The following CTTN variants were observed in gnomAD, a reference collection of about 807,000 sequenced individuals.
CTTN encodes the protein cortactin, also known as src substrate cortactin.
A neutral mutation model predicts 84.0 loss-of-function variants in CTTN; 28 were observed. The observed-to-expected ratio is 0.33, with a 90% CI of 0.25 to 0.46. The LOEUF is 0.46. Ranked by LOEUF, CTTN falls within the 20% of genes least tolerant of loss-of-function variation. CTTN has a pLI of 1.00. For missense variants in CTTN, 641 were observed against 723.8 expected (o/e 0.89, Z 1.31); for synonymous variants, 301 against 288.8 (o/e 1.04, Z -0.43).
intron 6 of CTTN, among the ~76,000 whole-genome samples, chr11:70,415,000 G>T (rs1038823434): frequency 6.6e-6 from 1 of 152,170 alleles, no homozygotes; most frequent in Non-Finnish European, 1.5e-5. Context: ...ATACCGGGGG[G>T]GCAGGATGCG....
chr11:70,415,798 G>GGAGCGCGGGGAAA, intron 7 of CTTN, 81 bp downstream of exon 7: 2 of 1,382,256 alleles, frequency 1.4e-6, no homozygotes, highest in Non-Finnish European at 2.1e-6. Context: ...CCGTTTCCCC[G>GGAGCGCGGGGAAA]CGCTCCGGGG....
At position 70,426,749 on chromosome 11, in the gene CTTN, C is replaced by T. The variant is rs1168421849; in HGVS notation, c.1027+1348C>T. On this transcript the variant is annotated intron_variant, in intron 13 of 17. Coordinates refer to ENST00000301843, the MANE Select transcript of CTTN (RefSeq NM_005231.4). ...GACTACAGGCGCCTGCCACCACGCC[C>T]GGCTAATTTTTTTGTTGTTGTTGCT... Among the ~76,000 whole-genome samples the T allele has an allele frequency of 8.6e-5, 13 of 151,872 alleles. No homozygotes were observed. The East Asian group carries it at 1.2e-3, about 14-fold the overall frequency.
rs778741518 is a variant in CTTN, at chr11:70,429,141, G to T, written c.1118G>T (p.Arg373Ile). 3.9e-5 allele frequency: 63 copies of T among 1,613,934 alleles called. No individual in the cohort carries two copies. Among genetic ancestry groups the T allele is most frequent in the Non-Finnish European group, 5.0e-5 (59 of 1,180,046 alleles). ...GACAGGCGGAAGGCGGAGGCGGAGAGAGCCCAGCGGATGGCCAAGGAGCGG... is the reference window on the plus strand; with the variant it reads ...GACAGGCGGAAGGCGGAGGCGGAGATAGCCCAGCGGATGGCCAAGGAGCGG... ...QEDRRKAEAE[R>I]AQRMAKERQE... is the part of the protein sequence containing the mutation. Residue 373 changes from arginine to isoleucine, a missense_variant, in exon 14 of 18, where the codon AGA (arginine) becomes ATA (isoleucine). Around this residue, in one of 3 missense-constraint regions of CTTN, gnomAD observed 289 missense variants for 273.1 expected, o/e 1.06. Transcript: ENST00000301843.
chr11:70,427,649 C>T (rs2058314258), intron 13 of CTTN, among the ~76,000 whole-genome samples: 1 of 152,256 alleles, frequency 6.6e-6, no homozygotes, highest in African/African-American at 2.4e-5. Flanking sequence ...GCCGGCTCCT[C>T]TGGCCCTGTG....
In CTTN at chr11:70,434,394, G is replaced by T. The variant is rs2058391616; in HGVS notation, c.1517-632G>T. 2.6e-5 allele frequency among the ~76,000 whole-genome samples: 4 copies of T among 152,256 alleles called. No homozygotes were observed. In the South Asian group the frequency reaches 8.3e-4, roughly 32 times the overall value. On this transcript the variant is annotated intron_variant, in intron 17 of 17. Transcript: ENST00000301843. ...TGACAAGCATCTTACGGGTGGCGTG[G>T]GATTCCCCTCAGAACCCCCGGCCTC...
In CTTN at chr11:70,435,165, C is replaced by T. The variant is rs747445153; in HGVS notation, c.*3C>T. 9.4e-6 allele frequency: 15 copies of T among 1,602,104 alleles called. No individual in the cohort carries two copies. The Admixed American group carries it at 1.7e-4, about 18-fold the overall frequency. ...ACTATGTGGAGCTGCGGCAGTAGGG[C>T]CCCCAGCCCCCCCCCGGAGCTGCGC... On this transcript the variant is annotated 3_prime_UTR_variant, in exon 18 of 18. Coordinates refer to ENST00000301843, the MANE Select transcript of CTTN (RefSeq NM_005231.4).
intron 1 of CTTN, among the ~76,000 whole-genome samples, chr11:70,403,816 G>C (rs1442799867): frequency 1.3e-5 from 2 of 152,104 alleles, no homozygotes; most frequent in Non-Finnish European, 2.9e-5. Flanking sequence ...CCAATATTGA[G>C]AGTATAAAAT....
At chr11:70,419,962 G>C (rs1386567321) in intron 9 of CTTN, 106 bp downstream of exon 9, 1 of 808,378 alleles carries the variant, frequency 1.2e-6, no homozygotes, top group Non-Finnish European at 2.0e-6. Flanking sequence ...CCTTAACGTA[G>C]ATGTCTCTTT....
intron 9 of CTTN, 31 bp downstream of exon 9, chr11:70,419,887 A>G: frequency 6.5e-7 from 1 of 1,550,324 alleles, no homozygotes; most frequent in Non-Finnish European, 8.9e-7. Flanking sequence ...CCCTCCAGCC[A>G]GCAGCTAGTA....
intron 17 of CTTN, 78 bp from the exon 18 acceptor site, chr11:70,434,948 G>C: frequency 6.6e-7 from 1 of 1,518,098 alleles, no homozygotes; most frequent in African/African-American, 1.4e-5. Context: ...CTGGGAGCTT[G>C]CTCTGGGTTG....
chr11:70,418,030 T>A (rs2058184144), intron 8 of CTTN, among the ~76,000 whole-genome samples: 1 of 152,182 alleles, frequency 6.6e-6, no homozygotes, highest in Admixed American at 6.5e-5. Context: ...GGCCTGCCTG[T>A]TTCCCTGTGC....
In CTTN at chr11:70,432,995, C is replaced by G. The variant is rs562263728; in HGVS notation, c.1267-106C>G. 1.2e-5 allele frequency: 15 copies of G among 1,227,738 alleles called. No individual in the cohort carries two copies. In the East Asian group the frequency reaches 3.5e-4, roughly 29 times the overall value. 76.1% of individuals were successfully genotyped at this position (1,227,738 alleles called of 1,614,324 possible). A position where few individuals can be genotyped will look rare whatever the true frequency, so the allele number is the denominator to read the frequency against. On this transcript the variant is annotated intron_variant, in intron 15 of 17. Transcript: ENST00000301843. ...TCTGTTTTCTCAGTCCTGGCTGGGA[C>G]TGAGAATTAGATGGCCCGTGGGTTT...
At chr11:70,432,824 G>A (rs986230075) in intron 15 of CTTN, among the ~76,000 whole-genome samples, 8 of 152,096 alleles carry the variant, frequency 5.3e-5, no homozygotes, top group African/African-American at 1.7e-4. Context: ...GGGCAGGGGC[G>A]TGTCTCCTAA....
chr11:70,406,204 G>A (rs2058039814), intron 2 of CTTN, among the ~76,000 whole-genome samples: 2 of 152,220 alleles, frequency 1.3e-5, no homozygotes, highest in African/African-American at 4.8e-5. Context: ...GTCGCACCTA[G>A]AAATTTGAGA....
In CTTN at chr11:70,407,370, G is replaced by C. The variant is rs1226969708; in HGVS notation, c.73G>C (p.Asp25His). 13 of 1,592,522 alleles carry C rather than the reference G, an allele frequency of 8.2e-6. No homozygotes were observed. The highest frequency in any genetic ancestry group is 1.1e-5 in the Non-Finnish European group (13 of 1,169,198). Residue 25 changes from aspartate to histidine, a missense_variant, in exon 3 of 18, where the codon GAC becomes CAC. Around this residue, in one of 3 missense-constraint regions of CTTN, gnomAD observed 284 missense variants for 348.4 expected, o/e 0.82. Transcript: ENST00000301843. The stretch of plus-strand genomic sequence containing the variant: ...CGCGGGGGCCGATGACTGGGAGACC[G>C]ACCCTGATTTTGTGGTAGGAGCCGC... ...DDAGADDWET[D>H]PDFVNDVSEK...
rs916915989 is a variant in CTTN at position 70,398,610 on chromosome 11, C to G, written c.-102C>G. ...CGACCCGGGCCGGACCGACCCCAGG[C>G]GGCGGTGAGCGAGCGCGGCGTCCGC... On this transcript the variant is annotated 5_prime_UTR_variant, in exon 1 of 18. Transcript: ENST00000301843. The G allele has an allele frequency of 6.6e-6, 1 of 152,126 alleles. No individual in the cohort carries two copies. The highest frequency in any genetic ancestry group is 2.4e-5 in the African/African-American group (1 of 41,438). The allele number at this position is 152,126 out of a possible 1,614,324, so 9.4% of individuals were successfully genotyped here. A position where few individuals can be genotyped will look rare whatever the true frequency, so the allele number is the denominator to read the frequency against.
At chr11:70,422,377 A>G (rs1028084386) in intron 11 of CTTN, 5 of 610,974 alleles carry the variant, frequency 8.2e-6, no homozygotes, top group Middle Eastern at 3.0e-4. Context: ...CGCAGACTGC[A>G]TGGAGATGGC....
At chr11:70,434,897 G>C in intron 17 of CTTN, 129 bp from the exon 18 acceptor site, 2 of 958,740 alleles carry the variant, frequency 2.1e-6, no homozygotes, top group Non-Finnish European at 3.3e-6. Context: ...AGCCTCCGCG[G>C]TGGTCCGCAT....
chr11:70,417,070 G>A lies in CTTN; in HGVS notation c.515G>A (p.Ser172Asn), dbSNP rs1243967671. ...YGVQADRVDK[S>N]AVGFDYQGKT... is the part of the protein sequence containing the mutation. ...GTGCAGGCCGACCGAGTAGACAAGA[G>A]CGCGGTGGGCTTCGACTACCAGGGC... Residue 172 changes from serine to asparagine, a missense_variant, in exon 8 of 18, where the codon AGC becomes AAC. Around this residue, in one of 3 missense-constraint regions of CTTN, gnomAD observed 284 missense variants for 348.4 expected, o/e 0.82. Transcript: ENST00000301843. The A allele has an allele frequency of 6.2e-7, 1 of 1,614,230 alleles. No homozygotes were observed. Among genetic ancestry groups the A allele is most frequent in the Non-Finnish European group, 8.5e-7 (1 of 1,180,050 alleles).
Sources: gnomAD v4.1 joint callset for allele counts (sites outside exome capture counted in the v4.1 genomes callset) on GRCh38, gnomAD v4.1.1 for gene constraint, gnomAD v4.1.1 regional missense constraint, MANE v1.5 for transcripts, NCBI Gene and HGNC (gene_info 2026-07-23, HGNC 2026-07-21) for gene names.